Variants in MOB2 observed in about 807,000 individuals in gnomAD.
MOB2 encodes the protein MOB kinase activator 2, also known as MOB2 Mps One Binder homolog.
A neutral mutation model predicts 27.4 loss-of-function variants in MOB2; 14 were observed. That is an observed-to-expected ratio of 0.51 (90% CI 0.34 to 0.80). The LOEUF (loss-of-function observed/expected upper bound fraction) is 0.80. Among genes scored for constraint, MOB2 ranks in the 30% least tolerant of loss-of-function variants. The pLI is 0.01. For missense variants in MOB2, 304 were observed against 354.6 expected, an observed-to-expected ratio of 0.86 and a Z score of 1.15; for synonymous variants, 167 against 151.8, an observed-to-expected ratio of 1.10 and a Z score of -0.74.
At chr11:1,470,597 C>T in intron 4 of MOB2, 109 bp from the exon 5 acceptor site, 3 of 1,275,052 alleles carry the variant, frequency 2.4e-6, no homozygotes, top group Admixed American at 2.5e-5. Context: ...CACACCTTGA[C>T]CCTGCCACCC....
Position 1,469,867 on chromosome 11 carries a change from G to C in MOB2, c.*305C>G, listed in dbSNP as rs1847758368. On this transcript the variant is annotated 3_prime_UTR_variant, in exon 5 of 5. Coordinates refer to ENST00000329957, the MANE Select transcript of MOB2 (RefSeq NM_001172223.3). ...CCCGAGGGAGGGCAGGGGCTGCACG[G>C]AGACCAGAGAAAGGAAAACCCCACA... 2 of 656,836 alleles carry C rather than the reference G, an allele frequency of 3.0e-6. No individual in the cohort carries two copies. Among genetic ancestry groups the C allele is most frequent in the East Asian group, 6.6e-5 (2 of 30,482 alleles). The allele number at this position is 656,836 out of a possible 1,614,324, so 40.7% of individuals were successfully genotyped here. A position where few individuals can be genotyped will look rare whatever the true frequency, so the allele number is the denominator to read the frequency against.
chr11:1,476,884 G>A (rs1414842247), intron 3 of MOB2, among the ~76,000 whole-genome samples: 6 of 152,226 alleles, frequency 3.9e-5, no homozygotes, highest in African/African-American at 7.2e-5. Flanking sequence ...AGTGTTTGGA[G>A]ACTTTCCTGT....
At chr11:1,485,423 G>A (rs1318787596) in intron 1 of MOB2, among the ~76,000 whole-genome samples, 4 of 152,186 alleles carry the variant, frequency 2.6e-5, no homozygotes, top group Non-Finnish European at 5.9e-5. Context: ...CTTAAGATAG[G>A]ACATCCTAGG....
chr11:1,480,018 G>C (rs573941896), intron 3 of MOB2, among the ~76,000 whole-genome samples: 2 of 152,234 alleles, frequency 1.3e-5, no homozygotes, highest in Non-Finnish European at 1.5e-5. Flanking sequence ...ATGAATGGCC[G>C]AGCAAGGACC....
At chr11:1,480,308 A>G in intron 3 of MOB2, 85 bp downstream of exon 3, 3 of 1,259,872 alleles carry the variant, frequency 2.4e-6, no homozygotes, top group Middle Eastern at 1.9e-4. Context: ...ACGGAATCTG[A>G]GAGGACAGGA....
At chr11:1,480,370 G>C (rs973077316) in intron 3 of MOB2, 23 bp downstream of exon 3, 12 of 1,609,122 alleles carry the variant, frequency 7.5e-6, no homozygotes, top group Non-Finnish European at 1.0e-5. Context: ...AGAGAAAGTG[G>C]GCTGTAGCCA....
At chr11:1,472,861 G>T in intron 3 of MOB2, 1 of 155,022 alleles carries the variant, frequency 6.5e-6, no homozygotes, top group Non-Finnish European at 1.4e-5. Context: ...CGGGCACAGG[G>T]CCTCCAGCAT....
chr11:1,481,190 G>A, intron 1 of MOB2: 1 of 498,600 alleles, frequency 2.0e-6, no homozygotes. Flanking sequence ...ACCAGGGAGG[G>A]GCCCAGGGTT....
Position 1,470,167 on chromosome 11 carries a change from G to A in MOB2, c.*5C>T, listed in dbSNP as rs1456035456. 1.3e-6 allele frequency: 2 copies of A among 1,591,410 alleles called. No homozygotes were observed. The highest frequency in any genetic ancestry group is 1.7e-6 in the Non-Finnish European group (2 of 1,169,448). On this transcript the variant is annotated 3_prime_UTR_variant, in exon 5 of 5. Transcript: ENST00000329957. ...ACACGTGTGCCCCTGTCCGGCCCGGGGGGCTCATCTCTCCTTCACGTGGTT... is the reference window on the plus strand; with the variant it reads ...ACACGTGTGCCCCTGTCCGGCCCGGAGGGCTCATCTCTCCTTCACGTGGTT...
At chr11:1,472,828 G>A (rs1019856700) in intron 3 of MOB2, 12 of 69,952 alleles carry the variant, frequency 1.7e-4, no homozygotes, top group Middle Eastern at 6.8e-3. Flanking sequence ...CAGTGTCTCC[G>A]GGCACAGGGC....
At chr11:1,477,081 C>T (rs1413670123) in intron 3 of MOB2, among the ~76,000 whole-genome samples, 31 of 152,158 alleles carry the variant, frequency 2.0e-4, no homozygotes, top group Non-Finnish European at 2.4e-4. Context: ...TCATTTCAAT[C>T]CAACCCACGG....
Position 1,469,677 on chromosome 11 carries a change from C to T in MOB2, c.*495G>A, listed in dbSNP as rs758401108. The T allele has an allele frequency of 4.4e-6, 2 of 457,666 alleles. No homozygotes were observed. The highest frequency in any genetic ancestry group is 1.5e-5 in the South Asian group (1 of 64,576). 28.4% of individuals were successfully genotyped at this position (457,666 alleles called of 1,614,324 possible). A position where few individuals can be genotyped will look rare whatever the true frequency, so the allele number is the denominator to read the frequency against. On this transcript the variant is annotated 3_prime_UTR_variant, in exon 5 of 5. Coordinates refer to ENST00000329957, the MANE Select transcript of MOB2 (RefSeq NM_001172223.3). ...CACCTCACACCACAGGCCTCCCCCA[C>T]CTCTGAGCTGCCAACAGCCAAGACT...
rs761794943 is a variant in MOB2, at chr11:1,469,499, T to C, written c.*673A>G. On this transcript the variant is annotated 3_prime_UTR_variant, in exon 5 of 5. Coordinates refer to ENST00000329957, the MANE Select transcript of MOB2 (RefSeq NM_001172223.3). ...TTTTATTACGAGTGAACAGATGAACTAAGGTAAGCGGGTCTCAGCCTTCCG... is the reference window on the plus strand; with the variant it reads ...TTTTATTACGAGTGAACAGATGAACCAAGGTAAGCGGGTCTCAGCCTTCCG... 2.2e-6 allele frequency: 1 copy of C among 451,686 alleles called. No homozygotes were observed. The highest frequency in any genetic ancestry group is 7.1e-5 in the East Asian group (1 of 14,178). The allele number at this position is 451,686 out of a possible 1,614,324, so 28.0% of individuals were successfully genotyped here. A position where few individuals can be genotyped will look rare whatever the true frequency, so the allele number is the denominator to read the frequency against.
At chr11:1,481,471 G>A (rs1847912991) in intron 1 of MOB2, 1 of 157,594 alleles carries the variant, frequency 6.3e-6, no homozygotes, top group Non-Finnish European at 1.4e-5. Context: ...ACAGGGTGAT[G>A]AGGATGGGGG....
In MOB2 at chr11:1,470,199, T is replaced by TCCC; in HGVS notation, c.777_779dup (p.Gly260dup). Reference sequence around the variant, plus strand: ...ATCTCTCCTTCACGTGGTTCTGTGCTCCCGGGCCCCCGCTGCCGGCCCCAT... The same window carrying TCCC: ...ATCTCTCCTTCACGTGGTTCTGTGCTCCCCCCGGGCCCCCGCTGCCGGCCCCAT... On this transcript the variant is annotated inframe_insertion, in exon 5 of 5. Coordinates refer to ENST00000329957, the MANE Select transcript of MOB2 (RefSeq NM_001172223.3). 1 of 1,608,960 alleles carries TCCC rather than the reference T, an allele frequency of 6.2e-7. No individual in the cohort carries two copies. Among genetic ancestry groups the TCCC allele is most frequent in the Non-Finnish European group, 8.5e-7 (1 of 1,178,116 alleles).
chr11:1,483,831 A>G (rs1791425181), intron 1 of MOB2, among the ~76,000 whole-genome samples: 1 of 152,134 alleles, frequency 6.6e-6, no homozygotes. Flanking sequence ...GCTAGACACA[A>G]ATTTGGTGGG....
chr11:1,480,305 C>A (rs1020979601), intron 3 of MOB2, 88 bp downstream of exon 3: 2 of 1,237,206 alleles, frequency 1.6e-6, no homozygotes, highest in East Asian at 2.3e-5. Context: ...AGAACGGAAT[C>A]TGAGAGGACA....
In MOB2 at chr11:1,484,757, C is replaced by CA. The variant is rs1847953078; in HGVS notation, c.110+1689_110+1690insT. On this transcript the variant is annotated intron_variant, in intron 1 of 4. Transcript: ENST00000329957. ...CCCGAGTTCTCCCTGGGTGCTGATC[C>CA]CACTTCTGTCACACGGCCTCAGGCT... Among the ~76,000 whole-genome samples the CA allele has an allele frequency of 2.6e-5, 4 of 152,230 alleles. No homozygotes were observed. The South Asian group carries it at 8.3e-4, about 32-fold the overall frequency.
Position 1,470,259 on chromosome 11 carries a change from G to A in MOB2, c.720C>T (p.Ser240=), listed in dbSNP as rs374393740. 1.1e-3 allele frequency: 1,843 copies of A among 1,612,478 alleles called. 4 individuals carry two copies. The highest frequency in any genetic ancestry group is 8.6e-4 in the Non-Finnish European group (1,020 of 1,179,776). ...CCCCACTGTGGACCCCGCCGGCCCC[G>A]CTGCATAGCACCTCGGTGAGGTCGT... ...IMDDLTEVLC[S]GAGGVHSGGS... The change falls in exon 5 of 5, where the codon AGC becomes AGT. Residue 240 remains serine, a synonymous_variant. Coordinates refer to ENST00000329957, the MANE Select transcript of MOB2 (RefSeq NM_001172223.3).
Sources: gnomAD v4.1 joint callset for allele counts (sites outside exome capture counted in the v4.1 genomes callset) on GRCh38, gnomAD v4.1.1 for gene constraint, MANE v1.5 for transcripts, NCBI Gene and HGNC (gene_info 2026-07-23, HGNC 2026-07-21) for gene names.